The following ARHGEF11 variants were observed in gnomAD, a reference collection of about 807,000 sequenced individuals.
ARHGEF11 encodes Rho guanine nucleotide exchange factor 11.
Under a neutral mutation model 193.7 loss-of-function variants are expected in ARHGEF11, and 55 were observed. The ratio of observed to expected loss-of-function variants is 0.28; its 90% CI spans 0.23 to 0.36. The LOEUF is 0.36. Ranked by LOEUF, ARHGEF11 falls within the 10% of genes least tolerant of loss-of-function variation. ARHGEF11 has a pLI of 1.00. For missense variants in ARHGEF11, 1,723 were observed against 2,005.6 expected, an observed-to-expected ratio of 0.86 and a Z score of 2.69; for synonymous variants, 693 against 768.0, an observed-to-expected ratio of 0.90 and a Z score of 1.62.
intron 1 of ARHGEF11, among the ~76,000 whole-genome samples, chr1:157,004,625 C>G (rs10908528): frequency 0.18 from 27,085 of 152,128 alleles, 2,991 homozygotes; most frequent in East Asian, 0.44. Flanking sequence ...CTCTTCCAGC[C>G]CCCATTCCAT....
At chr1:156,954,160 G>A (rs1659552068) in intron 21 of ARHGEF11, among the ~76,000 whole-genome samples, 1 of 151,830 alleles carries the variant, frequency 6.6e-6, no homozygotes, top group Admixed American at 6.6e-5. Flanking sequence ...CGGGCGGATC[G>A]CCCGAGGTCA....
chr1:157,041,838 TC>T (rs1461826898), intron 1 of ARHGEF11, among the ~76,000 whole-genome samples: 1 of 152,132 alleles, frequency 6.6e-6, no homozygotes, highest in Admixed American at 6.5e-5. Context: ...TGTTTCCCAG[TC>T]CCCCAGTTGC....
chr1:156,942,070 C>T (rs572542273), intron 33 of ARHGEF11, 81 bp from the exon 34 acceptor site: 4 of 1,600,766 alleles, frequency 2.5e-6, no homozygotes, highest in South Asian at 2.2e-5. Flanking sequence ...CCCACTGGAA[C>T]AGGGCTTCCA....
rs1658351203 is a variant in ARHGEF11 at position 156,947,458 on chromosome 1, G to A, written c.2342-8C>T. On this transcript the variant is annotated splice_polypyrimidine_tract_variant and splice_region_variant and intron_variant, in intron 25 of 40. Transcript: ENST00000368194. ...CTTCAGTCACAAACAGCTCTGAGCG[G>A]TGGTTGTGACAAGGAGGGTAGAAAG... 1 of 1,588,666 alleles carries A rather than the reference G, an allele frequency of 6.3e-7. No homozygotes were observed. Among genetic ancestry groups the A allele is most frequent in the Non-Finnish European group, 8.5e-7 (1 of 1,169,824 alleles).
At chr1:156,968,163 C>T (rs769118901) in intron 10 of ARHGEF11, 39 bp from the exon 11 acceptor site, 58 of 1,582,226 alleles carry the variant, frequency 3.7e-5, no homozygotes, top group Admixed American at 3.5e-4. Context: ...GAACCTTGTC[C>T]GGAAGACCCT....
intron 1 of ARHGEF11, among the ~76,000 whole-genome samples, chr1:157,041,603 T>G (rs1466348237): frequency 6.6e-6 from 1 of 152,238 alleles, no homozygotes; most frequent in Non-Finnish European, 1.5e-5. Flanking sequence ...TTGACTACAT[T>G]TGAAATTAAC....
At chr1:157,033,518 T>C (rs1418997965) in intron 1 of ARHGEF11, among the ~76,000 whole-genome samples, 2 of 152,188 alleles carry the variant, frequency 1.3e-5, no homozygotes, top group Non-Finnish European at 2.9e-5. Flanking sequence ...ACTGTAGCCA[T>C]GGTGATCTTG....
At chr1:156,962,103 C>G (rs1156978185) in intron 13 of ARHGEF11, among the ~76,000 whole-genome samples, 1 of 152,218 alleles carries the variant, frequency 6.6e-6, no homozygotes, top group Non-Finnish European at 1.5e-5. Flanking sequence ...AACTCTGTAT[C>G]CTCTCCACAC....
At chr1:156,945,865 T>C (rs1658012194) in intron 29 of ARHGEF11, 180 bp downstream of exon 29, 2 of 575,490 alleles carry the variant, frequency 3.5e-6, no homozygotes, top group Non-Finnish European at 6.2e-6. Context: ...TTAAACACCT[T>C]ATATTTTCCA....
intron 29 of ARHGEF11, chr1:156,945,753 G>A: frequency 2.8e-6 from 1 of 353,100 alleles, no homozygotes; most frequent in Non-Finnish European, 5.3e-6. Flanking sequence ...GGACCCAGGT[G>A]CCCTTGAGTG....
Position 156,938,407 on chromosome 1 carries a change from A to G in ARHGEF11, c.4192+11T>C. The G allele has an allele frequency of 6.2e-7, 1 of 1,611,006 alleles. No individual in the cohort carries two copies. The highest frequency in any genetic ancestry group is 8.5e-7 in the Non-Finnish European group (1 of 1,177,806). ...TTGGCCTGTCTTTAGCTCCAAGGAG[A>G]AAGTTATTACCCGTAGCCTTTGTTC... On this transcript the variant is annotated intron_variant, in intron 38 of 40. Transcript: ENST00000368194.
intron 18 of ARHGEF11, among the ~76,000 whole-genome samples, chr1:156,957,560 G>A (rs1407374575): frequency 6.6e-6 from 1 of 152,208 alleles, no homozygotes; most frequent in African/African-American, 2.4e-5. Flanking sequence ...TCCCACTGAG[G>A]AGCAGACCCA....
chr1:157,003,769 C>T (rs1456305928), intron 1 of ARHGEF11, among the ~76,000 whole-genome samples: 4 of 152,200 alleles, frequency 2.6e-5, no homozygotes, highest in Non-Finnish European at 5.9e-5. Flanking sequence ...CTTTAGAATC[C>T]TGATGCTGAC....
intron 11 of ARHGEF11, 56 bp from the exon 12 acceptor site, chr1:156,963,650 A>G (rs1661295858): frequency 6.3e-7 from 1 of 1,592,944 alleles, no homozygotes; most frequent in African/African-American, 1.4e-5. Flanking sequence ...AGAGGATTCA[A>G]CCACCTCAGT....
chr1:156,948,279 CTGAGATGTCCATGGG>C lies in ARHGEF11; in HGVS notation c.2105+25_2105+39del. 6.2e-6 allele frequency: 10 copies of C among 1,608,054 alleles called. No individual in the cohort carries two copies. The highest frequency in any genetic ancestry group is 6.8e-6 in the Non-Finnish European group (8 of 1,175,056). Reference sequence around the variant, plus strand: ...CAACCCTCTATCCTTGCCGCCACCCCTGAGATGTCCATGGGTGCAGCCGTTGTAGCCCTGCCCACC... The same window carrying C: ...CAACCCTCTATCCTTGCCGCCACCCCTGCAGCCGTTGTAGCCCTGCCCACC... On this transcript the variant is annotated intron_variant, in intron 23 of 40. Coordinates refer to ENST00000368194, the MANE Select transcript of ARHGEF11 (RefSeq NM_198236.3). This position sits in a 1 kb window ranked among gnomAD's most constrained non-coding sequence, Gnocchi z 4.2.
intron 11 of ARHGEF11, 102 bp from the exon 12 acceptor site, chr1:156,963,696 C>A: frequency 6.6e-7 from 1 of 1,521,008 alleles, no homozygotes. Context: ...ACTCACAAAG[C>A]CACCCGGGTC....
chr1:157,009,598 G>T (rs1668311955), intron 1 of ARHGEF11, among the ~76,000 whole-genome samples: 1 of 152,126 alleles, frequency 6.6e-6, no homozygotes, highest in African/African-American at 2.4e-5. Context: ...CTCTTAAAGG[G>T]TACCCACAAG....
At chr1:156,940,638 A>G (rs1161349435) in intron 35 of ARHGEF11, among the ~76,000 whole-genome samples, 2 of 152,188 alleles carry the variant, frequency 1.3e-5, no homozygotes, top group African/African-American at 4.8e-5. Context: ...CTTACATTCT[A>G]GGGGAGGGAC....
In ARHGEF11 at chr1:156,950,852, GT is replaced by G. The variant is rs1658985710; in HGVS notation, c.1925+720del. On this transcript the variant is annotated intron_variant, in intron 22 of 40. Transcript: ENST00000368194. ...TAAGTCACCTTTAAGGGTGGTGTTG[GT>G]TTTTAAGTGTTGGCTATAGAATTTT... 5.9e-5 allele frequency among the ~76,000 whole-genome samples: 9 copies of G among 152,242 alleles called. No homozygotes were observed. The South Asian group carries it at 1.9e-3, about 32-fold the overall frequency.
Sources: gnomAD v4.1 joint callset for allele counts (sites outside exome capture counted in the v4.1 genomes callset) on GRCh38, gnomAD v4.1.1 for gene constraint, Gnocchi (gnomAD v3.1) non-coding constraint, MANE v1.5 for transcripts, NCBI Gene and HGNC (gene_info 2026-07-23, HGNC 2026-07-21) for gene names.